ANXA13: variants seen among roughly 807,000 people sequenced by gnomAD.
ANXA13 encodes annexin A13.
Under a neutral mutation model 46.6 loss-of-function variants are expected in ANXA13, and 36 were observed. That is an observed-to-expected ratio of 0.77 (90% CI 0.59 to 1.02). ANXA13 has a LOEUF of 1.02. ANXA13 is among the 50% of genes least tolerant of loss of function. The probability of loss-of-function intolerance (pLI) is 0.00; values close to 1 mark genes in which losing one functional copy is unlikely to be tolerated. For synonymous variants in ANXA13, 163 were observed against 152.9 expected, an observed-to-expected ratio of 1.07 and a Z score of -0.49; for missense variants, 417 against 396.5, an observed-to-expected ratio of 1.05 and a Z score of -0.44.
chr8:123,680,905 G>T lies in ANXA13; in HGVS notation c.*335C>A. 4.7e-6 allele frequency: 1 copy of T among 211,902 alleles called. No homozygotes were observed. 13.1% of individuals were successfully genotyped at this position (211,902 alleles called of 1,614,324 possible). A position where few individuals can be genotyped will look rare whatever the true frequency, so the allele number is the denominator to read the frequency against. ...CTTTCCTGTACCTTACTTGTGTGAT[G>T]CATATCCTTCTAAATGTGCCATTAC... On this transcript the variant is annotated 3_prime_UTR_variant, in exon 11 of 11. Transcript: ENST00000419625.
In ANXA13 at chr8:123,714,289, G is replaced by C. The variant is rs554749309; in HGVS notation, c.16-1536C>G. Among the ~76,000 whole-genome samples the C allele has an allele frequency of 1.1e-4, 17 of 152,292 alleles. No individual in the cohort carries two copies. The South Asian group carries it at 3.3e-3, about 30-fold the overall frequency. On this transcript the variant is annotated intron_variant, in intron 1 of 10. Transcript: ENST00000419625. The stretch of plus-strand genomic sequence containing the variant: ...TCCTGTGACTCTGGCAATCAGGATT[G>C]GTTCAGGAGTGAAGATGTAATCCAA...
intron 1 of ANXA13, among the ~76,000 whole-genome samples, chr8:123,725,111 T>C (rs1455569196): frequency 6.6e-6 from 1 of 152,234 alleles, no homozygotes; most frequent in Non-Finnish European, 1.5e-5. Context: ...TTCTTTTTGC[T>C]TTCATTTAGT....
chr8:123,704,993 A>C (rs1813513692), intron 2 of ANXA13, among the ~76,000 whole-genome samples: 1 of 152,200 alleles, frequency 6.6e-6, no homozygotes, highest in African/African-American at 2.4e-5. Context: ...GGATCTCCCA[A>C]GGCATTTCAA....
intron 3 of ANXA13, among the ~76,000 whole-genome samples, chr8:123,701,806 A>G (rs1056314618): frequency 6.6e-6 from 1 of 152,004 alleles, no homozygotes. Context: ...CATAGCTATC[A>G]TAGCTTTTTC....
intron 10 of ANXA13, among the ~76,000 whole-genome samples, chr8:123,683,796 A>T (rs945736853): frequency 5.3e-5 from 8 of 152,096 alleles, no homozygotes; most frequent in African/African-American, 1.9e-4. Context: ...CATGTTGGCC[A>T]GGCCGGTCTC....
intron 9 of ANXA13, among the ~76,000 whole-genome samples, chr8:123,685,988 G>A (rs1323626145): frequency 1.3e-5 from 2 of 152,180 alleles, no homozygotes; most frequent in Non-Finnish European, 2.9e-5. Flanking sequence ...TTGTCTGCCT[G>A]AAGTCACCGT....
At chr8:123,702,614 C>T in intron 3 of ANXA13, 28 bp downstream of exon 3, 1 of 1,596,316 alleles carries the variant, frequency 6.3e-7, no homozygotes, top group Non-Finnish European at 8.6e-7. Context: ...TGGCTGGGTG[C>T]AAGCTTGCTG....
At chr8:123,713,953 C>T (rs1813710167) in intron 1 of ANXA13, among the ~76,000 whole-genome samples, 1 of 152,170 alleles carries the variant, frequency 6.6e-6, no homozygotes, top group African/African-American at 2.4e-5. Context: ...CTTGGCCTCC[C>T]AAAGTGCTGG....
At position 123,693,313 on chromosome 8, in the gene ANXA13, A is replaced by G; in HGVS notation, c.541-15T>C. 1 of 1,611,166 alleles carries G rather than the reference A, an allele frequency of 6.2e-7. No individual in the cohort carries two copies. The highest frequency in any genetic ancestry group is 8.5e-7 in the Non-Finnish European group (1 of 1,178,010). ...CCTTCCCCTGCCTCAAGGGTCAAAT[A>G]CAAACACTTTGAAAAAGGCTTTTGT... is the stretch of plus-strand genomic sequence containing the variant. On this transcript the variant is annotated splice_polypyrimidine_tract_variant and intron_variant, in intron 7 of 10. Coordinates refer to ENST00000419625, the MANE Select transcript of ANXA13 (RefSeq NM_004306.4).
intron 4 of ANXA13, 24 bp from the exon 5 acceptor site, chr8:123,695,745 A>C: frequency 2.5e-6 from 4 of 1,600,516 alleles, no homozygotes; most frequent in Non-Finnish European, 3.4e-6. Flanking sequence ...TTTACAAAAA[A>C]ATCAATATTC....
intron 2 of ANXA13, among the ~76,000 whole-genome samples, chr8:123,709,633 G>C (rs1171463744): frequency 6.6e-6 from 1 of 152,046 alleles, no homozygotes; most frequent in Non-Finnish European, 1.5e-5. Flanking sequence ...GGCATAAATG[G>C]GTTTTAATAT....
At chr8:123,683,872 C>T (rs1813088047) in intron 10 of ANXA13, among the ~76,000 whole-genome samples, 1 of 152,218 alleles carries the variant, frequency 6.6e-6, no homozygotes, top group South Asian at 2.1e-4. Context: ...CAGGCATGAG[C>T]CATTGCACCC....
chr8:123,698,175 G>A (rs73703637), intron 4 of ANXA13, among the ~76,000 whole-genome samples: 2,827 of 152,314 alleles, frequency 0.019, 74 homozygotes, highest in African/African-American at 0.065. Context: ...CAGCTCTTCT[G>A]AAAAGATCGA....
intron 1 of ANXA13, among the ~76,000 whole-genome samples, chr8:123,726,197 C>T (rs1005141168): frequency 7.2e-5 from 11 of 152,168 alleles, no homozygotes. Flanking sequence ...GGGATTGCTT[C>T]CATGTTGGCA....
intron 10 of ANXA13, among the ~76,000 whole-genome samples, chr8:123,683,572 G>A (rs1035192558): frequency 7.0e-6 from 1 of 141,868 alleles, no homozygotes; most frequent in Admixed American, 7.2e-5. Context: ...ATCCCGAACT[G>A]TTAGCTGTGA....
At chr8:123,709,503 A>G (rs146023262) in intron 2 of ANXA13, among the ~76,000 whole-genome samples, 370 of 151,908 alleles carry the variant, frequency 2.4e-3, no homozygotes, top group African/African-American at 8.4e-3. Context: ...AAGAATTCTT[A>G]ACGCATTGAT....
rs560651397 is a variant in ANXA13, at chr8:123,680,838, T to C, written c.*402A>G. ...TTTAATTAACAATGAGGCTTTCAAATTGAACACACAGAAGGAAAATTAATA... is the reference window on the plus strand; with the variant it reads ...TTTAATTAACAATGAGGCTTTCAAACTGAACACACAGAAGGAAAATTAATA... On this transcript the variant is annotated 3_prime_UTR_variant, in exon 11 of 11. Transcript: ENST00000419625. The C allele has an allele frequency of 1.9e-5, 3 of 156,304 alleles. No individual in the cohort carries two copies. The highest frequency in any genetic ancestry group is 4.8e-5 in the African/African-American group (2 of 41,722). The allele number at this position is 156,304 out of a possible 1,614,324, so 9.7% of individuals were successfully genotyped here.
chr8:123,682,595 T>A (rs1374516447), intron 10 of ANXA13, among the ~76,000 whole-genome samples: 2 of 152,118 alleles, frequency 1.3e-5, no homozygotes, highest in Non-Finnish European at 2.9e-5. Flanking sequence ...GAGGGAGGGT[T>A]TGCAGTGGAT....
At chr8:123,731,698 C>A (rs1055615339) in intron 1 of ANXA13, among the ~76,000 whole-genome samples, 3 of 151,936 alleles carry the variant, frequency 2.0e-5, no homozygotes, top group Non-Finnish European at 2.9e-5. Flanking sequence ...CATAGGAAGA[C>A]CCCCCATCTC....
Sources: gnomAD v4.1 joint callset for allele counts (sites outside exome capture counted in the v4.1 genomes callset) on GRCh38, gnomAD v4.1.1 for gene constraint, MANE v1.5 for transcripts, NCBI Gene and HGNC (gene_info 2026-07-23, HGNC 2026-07-21) for gene names.